The following LHFPL3 variants were observed in gnomAD, a reference collection of about 807,000 sequenced individuals.
LHFPL3 encodes LHFPL tetraspan subfamily member 3 protein.
In LHFPL3, 5 loss-of-function variants were observed where a neutral mutation model predicts 19.3. That is an observed-to-expected ratio of 0.26 (90% CI 0.14 to 0.54). The LOEUF (loss-of-function observed/expected upper bound fraction) is 0.54. Ranked by LOEUF, LHFPL3 falls within the 20% of genes least tolerant of loss-of-function variation. LHFPL3 has a pLI of 0.94. For missense variants in LHFPL3, 249 were observed against 307.4 expected (o/e 0.81, Z 1.42); for synonymous variants, 133 against 126.2 (o/e 1.05, Z -0.36).
At chr7:104,764,200 ACT>A (rs1461693753) in intron 2 of LHFPL3, among the ~76,000 whole-genome samples, 1 of 151,706 alleles carries the variant, frequency 6.6e-6, no homozygotes, top group Non-Finnish European at 1.5e-5. Flanking sequence ...ACAGAGTCTC[ACT>A]CTGTTGCCCA....
intron 1 of LHFPL3, among the ~76,000 whole-genome samples, chr7:104,346,952 A>G (rs759102369): frequency 6.7e-6 from 1 of 149,674 alleles, no homozygotes; most frequent in Non-Finnish European, 1.5e-5. Flanking sequence ...TTCCAAAGCC[A>G]GAACATCTGG....
At chr7:104,376,310 G>T (rs1001357636) in intron 1 of LHFPL3, among the ~76,000 whole-genome samples, 1 of 152,304 alleles carries the variant, frequency 6.6e-6, no homozygotes, top group Non-Finnish European at 1.5e-5. Context: ...TTACATTTTG[G>T]TGTGAAAGAT....
At chr7:104,835,107 A>T (rs543470735) in intron 2 of LHFPL3, among the ~76,000 whole-genome samples, 1 of 151,788 alleles carries the variant, frequency 6.6e-6, no homozygotes, top group African/African-American at 2.4e-5. Context: ...TGACACTTCT[A>T]TTTACCAGCT....
chr7:104,802,560 G>T (rs1164497465), intron 2 of LHFPL3, among the ~76,000 whole-genome samples: 2 of 150,328 alleles, frequency 1.3e-5, no homozygotes, highest in African/African-American at 4.9e-5. Flanking sequence ...CTTCCACCAT[G>T]TGAGGACAGA....
At chr7:104,835,299 G>T (rs1242119626) in intron 2 of LHFPL3, among the ~76,000 whole-genome samples, 1 of 151,930 alleles carries the variant, frequency 6.6e-6, no homozygotes, top group Non-Finnish European at 1.5e-5. Context: ...ACCAACATTT[G>T]CTGTGTGTTC....
At chr7:104,704,823 A>G (rs915556256) in intron 1 of LHFPL3, among the ~76,000 whole-genome samples, 2 of 152,084 alleles carry the variant, frequency 1.3e-5, no homozygotes, top group African/African-American at 4.8e-5. Flanking sequence ...TTTTGTAGCA[A>G]CAGGGTCTCA....
rs1790551501 is a variant in LHFPL3 at position 104,585,480 on chromosome 7, A to ACACACACACACAC, written c.446-151195_446-151194insCACACACACACAC. Among the ~76,000 whole-genome samples the ACACACACACACAC allele has an allele frequency of 1.6e-3, 193 of 123,468 alleles. 2 individuals are homozygous for ACACACACACACAC. The highest frequency in any genetic ancestry group is 9.6e-3 in the South Asian group (32 of 3,348). 81.0% of individuals were successfully genotyped at this position (123,468 alleles called of 152,430 possible). A position where few individuals can be genotyped will look rare whatever the true frequency, so the allele number is the denominator to read the frequency against. ...AAAGTGGAATAAGGCAACACACACA[A>ACACACACACACAC]ACACACACACACACACACACACACA... On this transcript the variant is annotated intron_variant, in intron 1 of 2. Transcript: ENST00000424859.
intron 1 of LHFPL3, among the ~76,000 whole-genome samples, chr7:104,430,455 T>TATATATATATATATATATATATA (rs1491561052): frequency 8.8e-5 from 1 of 11,398 alleles, no homozygotes; most frequent in Non-Finnish European, 1.5e-4. Flanking sequence ...TATATATATA[T>TATATATATATATATATATATATA]TTTTTTTTTT....
At chr7:104,472,137 A>G (rs1279047986) in intron 1 of LHFPL3, among the ~76,000 whole-genome samples, 1 of 151,428 alleles carries the variant, frequency 6.6e-6, no homozygotes, top group Non-Finnish European at 1.5e-5. Flanking sequence ...TGATTGCACC[A>G]CTGCACTCCA....
chr7:104,564,205 C>T (rs935499619), intron 1 of LHFPL3, among the ~76,000 whole-genome samples: 1 of 152,118 alleles, frequency 6.6e-6, no homozygotes, highest in Admixed American at 6.5e-5. Context: ...AAACCTATGC[C>T]CATAACACCA....
At chr7:104,779,864 A>G (rs1312915552) in intron 2 of LHFPL3, among the ~76,000 whole-genome samples, 1 of 152,156 alleles carries the variant, frequency 6.6e-6, no homozygotes, top group Non-Finnish European at 1.5e-5. Flanking sequence ...GAGCAGTTTC[A>G]TGGCTAAAGC....
At chr7:104,736,244 A>G (rs758075344) in intron 1 of LHFPL3, among the ~76,000 whole-genome samples, 3 of 152,196 alleles carry the variant, frequency 2.0e-5, no homozygotes, top group Non-Finnish European at 4.4e-5. Flanking sequence ...AGTGTTTGCC[A>G]TGTTATCCTT....
chr7:104,445,670 C>G (rs1009782698), intron 1 of LHFPL3, among the ~76,000 whole-genome samples: 4 of 152,112 alleles, frequency 2.6e-5, no homozygotes, highest in Non-Finnish European at 5.9e-5. Flanking sequence ...TGGTTACCTC[C>G]TTTTTTATAC....
At chr7:104,458,902 G>C (rs576804837) in intron 1 of LHFPL3, among the ~76,000 whole-genome samples, 7 of 152,320 alleles carry the variant, frequency 4.6e-5, no homozygotes, top group Non-Finnish European at 7.4e-5. Context: ...GGGAAGTCCG[G>C]TTTCTGGGAG....
At chr7:104,438,988 G>C (rs1584320494) in intron 1 of LHFPL3, among the ~76,000 whole-genome samples, 1 of 152,092 alleles carries the variant, frequency 6.6e-6, no homozygotes, top group South Asian at 2.1e-4. Flanking sequence ...CAACAACTTA[G>C]ATGAAATTGA....
intron 1 of LHFPL3, among the ~76,000 whole-genome samples, chr7:104,585,985 G>C (rs1407646881): frequency 6.6e-6 from 1 of 152,056 alleles, no homozygotes; most frequent in Non-Finnish European, 1.5e-5. Flanking sequence ...TGCAGTCAGT[G>C]AGAAAAATTT....
chr7:104,749,850 GA>G (rs1794128233), intron 2 of LHFPL3, among the ~76,000 whole-genome samples: 1 of 152,188 alleles, frequency 6.6e-6, no homozygotes, highest in Non-Finnish European at 1.5e-5. Context: ...ATGGGTTTAG[GA>G]GGCTCTACAG....
At chr7:104,806,601 T>G (rs1045379873) in intron 2 of LHFPL3, among the ~76,000 whole-genome samples, 5 of 152,212 alleles carry the variant, frequency 3.3e-5, no homozygotes, top group Admixed American at 3.3e-4. Context: ...TGAATGTCCA[T>G]TATGTTCTTT....
chr7:104,824,571 AT>A lies in LHFPL3; in HGVS notation c.683-81612del, dbSNP rs1281399811. Among the ~76,000 whole-genome samples the A allele has an allele frequency of 7.8e-3, 588 of 75,076 alleles. 14 individuals are homozygous for A. Among genetic ancestry groups the A allele is most frequent in the African/African-American group, 0.031 (550 of 18,022 alleles). The allele number at this position is 75,076 out of a possible 152,430, so 49.3% of individuals were successfully genotyped here. On this transcript the variant is annotated intron_variant, in intron 2 of 2. Transcript: ENST00000424859. Reference sequence around the variant, plus strand: ...TATATAATATATAATTATATATATTATTTTATATATAATATATATAATTATA... The same window carrying A: ...TATATAATATATAATTATATATATTATTTATATATAATATATATAATTATA...
Sources: gnomAD v4.1 joint callset for allele counts (sites outside exome capture counted in the v4.1 genomes callset) on GRCh38, gnomAD v4.1.1 for gene constraint, MANE v1.5 for transcripts, NCBI Gene and HGNC (gene_info 2026-07-23, HGNC 2026-07-21) for gene names.